TTC27: variants seen among roughly 807,000 people sequenced by gnomAD.
TTC27 encodes tetratricopeptide repeat domain 27.
Under a neutral mutation model 115.9 loss-of-function variants are expected in TTC27, and 79 were observed. The ratio of observed to expected loss-of-function variants is 0.68; its 90% CI spans 0.57 to 0.82. The LOEUF is 0.82. Ranked by LOEUF, TTC27 falls within the 40% of genes least tolerant of loss-of-function variation. The probability of loss-of-function intolerance (pLI) is 0.00; values close to 1 mark genes in which losing one functional copy is unlikely to be tolerated. For synonymous variants in TTC27, 401 were observed against 356.0 expected, an observed-to-expected ratio of 1.13 and a Z score of -1.42; for missense variants, 1,054 against 993.1, an observed-to-expected ratio of 1.06 and a Z score of -0.82.
chr2:32,769,289 C>T (rs990873960), intron 13 of TTC27, among the ~76,000 whole-genome samples: 10 of 152,096 alleles, frequency 6.6e-5, no homozygotes, highest in African/African-American at 1.7e-4. Context: ...CAAATGTCAG[C>T]GAGTTATGTC....
chr2:32,629,004 C>T (rs992846246), intron 1 of TTC27, among the ~76,000 whole-genome samples: 2 of 151,998 alleles, frequency 1.3e-5, no homozygotes, highest in Non-Finnish European at 2.9e-5. Context: ...AGATGATTCG[C>T]CTGCCTCAGC....
intron 2 of TTC27, among the ~76,000 whole-genome samples, chr2:32,630,984 T>G (rs1341082140): frequency 2.0e-5 from 3 of 152,156 alleles, no homozygotes; most frequent in Non-Finnish European, 2.9e-5. Flanking sequence ...CGGCAAAACT[T>G]CAGACCTTAT....
intron 7 of TTC27, 99 bp from the exon 8 acceptor site, chr2:32,672,173 A>C: frequency 2.6e-6 from 2 of 768,744 alleles, no homozygotes; most frequent in Non-Finnish European, 4.3e-6. Context: ...TCAAACAGGT[A>C]AGTTAACTTT....
At chr2:32,646,557 G>GTTTTTT in intron 4 of TTC27, among the ~76,000 whole-genome samples, 1 of 114,490 alleles carries the variant, frequency 8.7e-6, no homozygotes, top group Middle Eastern at 5.1e-3. Context: ...TCTATATTTG[G>GTTTTTT]TTTTTTTTTT....
chr2:32,632,783 C>T (rs1559178259), intron 2 of TTC27, among the ~76,000 whole-genome samples: 1 of 152,030 alleles, frequency 6.6e-6, no homozygotes, highest in Non-Finnish European at 1.5e-5. Flanking sequence ...CCAGGATTCC[C>T]TGGCTGTTAT....
At chr2:32,721,181 T>C (rs957953240) in intron 10 of TTC27, among the ~76,000 whole-genome samples, 1 of 152,212 alleles carries the variant, frequency 6.6e-6, no homozygotes, top group African/African-American at 2.4e-5. Context: ...GTTCTTGTAA[T>C]GGACAAATAG....
chr2:32,686,145 C>A (rs758245017), intron 9 of TTC27, among the ~76,000 whole-genome samples: 8 of 152,148 alleles, frequency 5.3e-5, no homozygotes, highest in African/African-American at 7.2e-5. Context: ...GACCTCTATG[C>A]TGAAAATGAC....
chr2:32,765,089 C>T (rs995907922), intron 13 of TTC27, among the ~76,000 whole-genome samples: 5 of 152,170 alleles, frequency 3.3e-5, no homozygotes, highest in Admixed American at 6.5e-5. Context: ...TATTGGTGAA[C>T]ATTAGAATGG....
At chr2:32,764,445 A>G (rs1291827049) in intron 13 of TTC27, among the ~76,000 whole-genome samples, 2 of 152,156 alleles carry the variant, frequency 1.3e-5, no homozygotes, top group East Asian at 3.9e-4. Context: ...CTACTTTATT[A>G]CCAAAAAAAA....
At chr2:32,765,954 C>G (rs1168432385) in intron 13 of TTC27, among the ~76,000 whole-genome samples, 2 of 152,268 alleles carry the variant, frequency 1.3e-5, no homozygotes, top group African/African-American at 4.8e-5. Flanking sequence ...TTTGATCTAT[C>G]TAGACCACTC....
chr2:32,819,110 A>G (rs375240920), intron 19 of TTC27, among the ~76,000 whole-genome samples: 18 of 152,168 alleles, frequency 1.2e-4, no homozygotes, highest in East Asian at 9.6e-4. Flanking sequence ...TACTACTACC[A>G]CAGTAGTTTA....
chr2:32,653,272 G>A (rs567925542), intron 5 of TTC27, among the ~76,000 whole-genome samples: 121 of 152,062 alleles, frequency 8.0e-4, no homozygotes, highest in Non-Finnish European at 1.1e-3. Context: ...CTGTGACTCT[G>A]GGATTAGGTT....
At chr2:32,738,614 T>C (rs1364499323) in intron 12 of TTC27, among the ~76,000 whole-genome samples, 1 of 152,230 alleles carries the variant, frequency 6.6e-6, no homozygotes, top group Non-Finnish European at 1.5e-5. Context: ...GCACTACGTA[T>C]GTTGTGTTTA....
At chr2:32,759,873 C>CTTA in intron 13 of TTC27, among the ~76,000 whole-genome samples, 1 of 152,340 alleles carries the variant, frequency 6.6e-6, no homozygotes. Context: ...ACTTATTTCA[C>CTTA]TTAGCATAAT....
intron 6 of TTC27, among the ~76,000 whole-genome samples, chr2:32,665,106 C>A (rs989367979): frequency 6.6e-6 from 1 of 152,060 alleles, no homozygotes; most frequent in Non-Finnish European, 1.5e-5. Context: ...CTTGGCCTCC[C>A]GAAGTGCTGG....
chr2:32,630,563 T>C lies in TTC27; in HGVS notation c.129T>C (p.Tyr43=). The part of the protein sequence containing the change: ...SFLQLLLEGN[Y]EAIFLNSMTQ... ...TACAATTGCTACTGGAAGGGAACTATGAAGCCATATTCTTAAATTCAATGA... is the reference window on the plus strand; with the variant it reads ...TACAATTGCTACTGGAAGGGAACTACGAAGCCATATTCTTAAATTCAATGA... The change falls in exon 2 of 20, where the codon TAT becomes TAC. Residue 43 remains tyrosine, a synonymous_variant. Coordinates refer to ENST00000317907, the MANE Select transcript of TTC27 (RefSeq NM_017735.5). The C allele has an allele frequency of 6.2e-7, 1 of 1,612,624 alleles. No homozygotes were observed. Among genetic ancestry groups the C allele is most frequent in the Middle Eastern group, 1.7e-4 (1 of 5,818 alleles).
intron 9 of TTC27, among the ~76,000 whole-genome samples, chr2:32,685,648 GA>G (rs1254860505): frequency 6.6e-6 from 1 of 151,990 alleles, no homozygotes; most frequent in Non-Finnish European, 1.5e-5. Flanking sequence ...TATCTTAATA[GA>G]AACAAAAAAG....
chr2:32,631,519 A>G (rs1664209548), intron 2 of TTC27, among the ~76,000 whole-genome samples: 1 of 152,140 alleles, frequency 6.6e-6, no homozygotes, highest in Non-Finnish European at 1.5e-5. Flanking sequence ...CAGCAGGGAA[A>G]CCTAAGCTTT....
intron 16 of TTC27, among the ~76,000 whole-genome samples, chr2:32,807,260 C>T (rs950153102): frequency 1.4e-4 from 21 of 152,216 alleles, no homozygotes; most frequent in African/African-American, 3.9e-4. Context: ...TATAGTTTTA[C>T]AAGCCAAATA....
Sources: gnomAD v4.1 joint callset for allele counts (sites outside exome capture counted in the v4.1 genomes callset) on GRCh38, gnomAD v4.1.1 for gene constraint, MANE v1.5 for transcripts, NCBI Gene and HGNC (gene_info 2026-07-23, HGNC 2026-07-21) for gene names.